KCNB2: variants seen among roughly 807,000 people sequenced by gnomAD.
KCNB2 encodes the protein delayed rectifier potassium channel protein.
Under a neutral mutation model 61.5 loss-of-function variants are expected in KCNB2, and 15 were observed. The ratio of observed to expected loss-of-function variants is 0.24; its 90% confidence interval spans 0.16 to 0.38. The LOEUF is 0.38. Among genes scored for constraint, KCNB2 ranks in the 10% least tolerant of loss-of-function variants. KCNB2 has a pLI of 1.00. For synonymous variants in KCNB2, 457 were observed against 446.0 expected (o/e 1.02, Z -0.31); for missense variants, 828 against 1,125.2 (o/e 0.74, Z 3.78).
chr8:72,629,020 T>C (rs1332674469), intron 2 of KCNB2, among the ~76,000 whole-genome samples: 1 of 151,956 alleles, frequency 6.6e-6, no homozygotes, highest in Non-Finnish European at 1.5e-5. Flanking sequence ...AACTGAGGAG[T>C]GTCAAACCAA....
chr8:72,898,788 G>A (rs2129006456), intron 2 of KCNB2, among the ~76,000 whole-genome samples: 1 of 152,256 alleles, frequency 6.6e-6, no homozygotes, highest in South Asian at 2.1e-4. Context: ...GTACCCAATA[G>A]GTAGTTTCTC....
At chr8:72,828,482 A>C (rs1374633428) in intron 2 of KCNB2, among the ~76,000 whole-genome samples, 1 of 152,066 alleles carries the variant, frequency 6.6e-6, no homozygotes, top group South Asian at 2.1e-4. Context: ...CAGCTCTCCT[A>C]ATCTCATAGG....
chr8:72,748,058 T>A (rs940888847), intron 2 of KCNB2, among the ~76,000 whole-genome samples: 2 of 152,096 alleles, frequency 1.3e-5, no homozygotes, highest in African/African-American at 4.8e-5. Flanking sequence ...GAAAACAGGG[T>A]GGTACCCACA....
chr8:72,691,130 C>T (rs529305267), intron 2 of KCNB2, among the ~76,000 whole-genome samples: 7 of 152,216 alleles, frequency 4.6e-5, no homozygotes, highest in African/African-American at 1.4e-4. Context: ...TATAACTTGA[C>T]GTTTTAAAAA....
At chr8:72,557,953 G>C (rs1420599540) in intron 1 of KCNB2, among the ~76,000 whole-genome samples, 3 of 152,156 alleles carry the variant, frequency 2.0e-5, no homozygotes, top group African/African-American at 7.2e-5. Context: ...TAAATTGGAG[G>C]CTATCCATAA....
intron 2 of KCNB2, among the ~76,000 whole-genome samples, chr8:72,822,730 A>G (rs1809531776): frequency 6.6e-6 from 1 of 152,182 alleles, no homozygotes; most frequent in Admixed American, 6.5e-5. Context: ...ATTTAGAATA[A>G]AATCTAAACT....
chr8:72,587,567 G>A (rs1349175580), intron 2 of KCNB2, among the ~76,000 whole-genome samples: 4 of 151,960 alleles, frequency 2.6e-5, no homozygotes, highest in African/African-American at 9.7e-5. Context: ...GGCTGTATAA[G>A]AAAAATACAA....
chr8:72,770,836 T>G (rs1322899745), intron 2 of KCNB2, among the ~76,000 whole-genome samples: 1 of 152,254 alleles, frequency 6.6e-6, no homozygotes, highest in Non-Finnish European at 1.5e-5. Flanking sequence ...ATTATGTGTA[T>G]TCATTGTGTA....
rs370883521 is a variant in KCNB2, at chr8:72,937,175, C to T, written c.1820C>T (p.Thr607Ile). Residue 607 changes from threonine to isoleucine, a missense_variant, in exon 3 of 3, where the codon ACC (threonine) becomes ATC (isoleucine). Thr to Ile is a moderately conservative substitution (Grantham distance 89, BLOSUM62 -1). Around this residue, in one of 4 missense-constraint regions of KCNB2, gnomAD observed 559 missense variants for 588.4 expected, o/e 0.95. Transcript: ENST00000523207. ...MKSTSSIDSFTSCATDFTETE... is the reference protein window; with the variant it reads ...MKSTSSIDSFISCATDFTETE... The stretch of plus-strand genomic sequence containing the variant: ...AGCACCTCCAGCATCGACAGCTTCA[C>T]CAGCTGTGCCACCGACTTCACAGAG... 8.7e-6 allele frequency: 14 copies of T among 1,614,004 alleles called. No individual in the cohort carries two copies. In the African/African-American group the frequency reaches 1.9e-4, roughly 22 times the overall value.
intron 2 of KCNB2, among the ~76,000 whole-genome samples, chr8:72,762,350 A>G (rs781007591): frequency 1.3e-5 from 2 of 152,246 alleles, no homozygotes; most frequent in Non-Finnish European, 2.9e-5. Context: ...ATCTGCTGAC[A>G]TGTTTAGACA....
Position 72,537,833 on chromosome 8 carries a change from C to T in KCNB2, c.-146C>T, listed in dbSNP as rs1806138467. The T allele has an allele frequency of 6.6e-6, 1 of 152,330 alleles. No homozygotes were observed. The highest frequency in any genetic ancestry group is 2.4e-5 in the African/African-American group (1 of 41,444). The allele number at this position is 152,330 out of a possible 1,614,324, so 9.4% of individuals were successfully genotyped here. On this transcript the variant is annotated 5_prime_UTR_variant, in exon 1 of 3. Coordinates refer to ENST00000523207, the MANE Select transcript of KCNB2 (RefSeq NM_004770.3). ...GGAGGGAGCGGGGAATCCCACAGCC[C>T]TTTGTGGTGCCCGAGCCCGTGCCGC... is the stretch of plus-strand genomic sequence containing the variant.
intron 2 of KCNB2, among the ~76,000 whole-genome samples, chr8:72,779,159 G>C (rs1260727185): frequency 6.6e-6 from 1 of 152,152 alleles, no homozygotes; most frequent in Non-Finnish European, 1.5e-5. Context: ...GCCGATCAAG[G>C]CTTTGGCATG....
chr8:72,579,113 G>C (rs1315444645), intron 2 of KCNB2, among the ~76,000 whole-genome samples: 2 of 152,128 alleles, frequency 1.3e-5, no homozygotes, highest in Non-Finnish European at 2.9e-5. Context: ...TCTGCCTGAG[G>C]AGGTTCTGTT....
In KCNB2 at chr8:72,567,596, A is replaced by G. The variant is rs1336760336; in HGVS notation, c.-93-46A>G. The stretch of plus-strand genomic sequence containing the variant: ...CAGAATGATCCCATAGAACAGAAAC[A>G]CTCTAGGAAAATGCAAGTAACCAAG... On this transcript the variant is annotated intron_variant, in intron 1 of 2. Transcript: ENST00000523207. The G allele has an allele frequency of 9.6e-6, 6 of 623,928 alleles. No homozygotes were observed. In the East Asian group the frequency reaches 1.3e-4, roughly 14 times the overall value. 38.6% of individuals were successfully genotyped at this position (623,928 alleles called of 1,614,324 possible).
chr8:72,601,599 G>T (rs1805352882), intron 2 of KCNB2, among the ~76,000 whole-genome samples: 1 of 152,166 alleles, frequency 6.6e-6, no homozygotes, highest in African/African-American at 2.4e-5. Context: ...ACTGCTGGAT[G>T]GTGGGACTCA....
chr8:72,752,423 T>G (rs78008218), intron 2 of KCNB2, among the ~76,000 whole-genome samples: 125 of 152,290 alleles, frequency 8.2e-4, no homozygotes, highest in African/African-American at 2.9e-3. Flanking sequence ...TGGGCATCAT[T>G]TAACCTATTG....
intron 2 of KCNB2, among the ~76,000 whole-genome samples, chr8:72,778,804 G>T (rs963681340): frequency 3.6e-5 from 3 of 82,430 alleles, no homozygotes; most frequent in African/African-American, 1.4e-4. Flanking sequence ...AAAAGAAAAA[G>T]AAAGAATTCT....
chr8:72,732,091 G>T (rs1807754847), intron 2 of KCNB2: 1 of 152,202 alleles, frequency 6.6e-6, no homozygotes, highest in Non-Finnish European at 1.5e-5. Context: ...CAGCCAAGTG[G>T]ATTCTATCTG....
At chr8:72,714,399 G>A (rs1427469765) in intron 2 of KCNB2, among the ~76,000 whole-genome samples, 2 of 152,150 alleles carry the variant, frequency 1.3e-5, no homozygotes, top group African/African-American at 4.8e-5. Context: ...AATATTAAGG[G>A]CAGACAGAGA....
Sources: gnomAD v4.1 joint callset for allele counts (sites outside exome capture counted in the v4.1 genomes callset) on GRCh38, gnomAD v4.1.1 for gene constraint, gnomAD v4.1.1 regional missense constraint, MANE v1.5 for transcripts, NCBI Gene and HGNC (gene_info 2026-07-23, HGNC 2026-07-21) for gene names.